Variants in TENM4 observed in about 807,000 individuals in gnomAD.
TENM4 encodes teneurin transmembrane protein 4, also known as teneurin-4.
TENM4 carries 82 observed loss-of-function variants against 243.3 expected under a neutral mutation model. That is an observed-to-expected ratio of 0.34 (90% CI 0.28 to 0.40). The LOEUF is 0.40. TENM4 is among the 10% of genes least tolerant of loss of function. TENM4 has a pLI of 1.00. For synonymous variants in TENM4, 1,412 were observed against 1,456.3 expected, an observed-to-expected ratio of 0.97 and a Z score of 0.69; for missense variants, 3,138 against 3,673.3, an observed-to-expected ratio of 0.85 and a Z score of 3.77.
intron 2 of TENM4, among the ~76,000 whole-genome samples, chr11:79,242,839 CT>C (rs1292253976): frequency 2.6e-5 from 4 of 152,334 alleles, no homozygotes; most frequent in Non-Finnish European, 4.4e-5. Context: ...GGCATGTAGA[CT>C]TTTTTGAGGC....
intron 28 of TENM4, among the ~76,000 whole-genome samples, chr11:78,689,251 A>C (rs1193650567): frequency 1.3e-5 from 2 of 152,188 alleles, no homozygotes; most frequent in Non-Finnish European, 1.5e-5. Context: ...TGTACCGTCC[A>C]TTTGCAAGTA....
intron 3 of TENM4, among the ~76,000 whole-genome samples, chr11:79,187,417 C>G (rs571737947): frequency 6.6e-6 from 1 of 152,282 alleles, no homozygotes; most frequent in South Asian, 2.1e-4. Context: ...TATCCTGGAC[C>G]CACTCAGCCA....
intron 1 of TENM4, among the ~76,000 whole-genome samples, chr11:79,349,819 T>C (rs1857385460): frequency 6.6e-6 from 1 of 152,176 alleles, no homozygotes; most frequent in African/African-American, 2.4e-5. Flanking sequence ...CCTCAATTTA[T>C]AGATACAGAA....
At chr11:79,203,482 T>G (rs577320485) in intron 3 of TENM4, among the ~76,000 whole-genome samples, 1 of 152,344 alleles carries the variant, frequency 6.6e-6, no homozygotes, top group Admixed American at 6.5e-5. Flanking sequence ...TGCCTGAAAT[T>G]AAGGATAGTA....
At chr11:79,007,045 T>C (rs1858503020) in intron 6 of TENM4, among the ~76,000 whole-genome samples, 1 of 152,194 alleles carries the variant, frequency 6.6e-6, no homozygotes, top group South Asian at 2.1e-4. Context: ...AGATGGCCTT[T>C]GGACTTGGAC....
intron 2 of TENM4, among the ~76,000 whole-genome samples, chr11:79,258,191 G>A (rs886329843): frequency 1.3e-5 from 2 of 152,130 alleles, no homozygotes; most frequent in Admixed American, 6.5e-5. Context: ...TATTAGTTAC[G>A]ATGATGAGAC....
At chr11:79,043,402 C>A (rs1859586875) in intron 6 of TENM4, among the ~76,000 whole-genome samples, 1 of 152,076 alleles carries the variant, frequency 6.6e-6, no homozygotes, top group African/African-American at 2.4e-5. Flanking sequence ...CTGTGAGAAG[C>A]AGCCAAAAAG....
chr11:78,694,755 T>G (rs1590944313), intron 28 of TENM4, among the ~76,000 whole-genome samples: 2 of 152,314 alleles, frequency 1.3e-5, no homozygotes, highest in South Asian at 4.1e-4. Context: ...CTGGCTCACT[T>G]CTGGTTAAGC....
At chr11:79,017,531 A>G (rs908230399) in intron 6 of TENM4, among the ~76,000 whole-genome samples, 1 of 152,110 alleles carries the variant, frequency 6.6e-6, no homozygotes, top group Non-Finnish European at 1.5e-5. Context: ...GAGGATACAC[A>G]AAAAAACAAA....
At chr11:79,194,271 T>C (rs1411437090) in intron 3 of TENM4, among the ~76,000 whole-genome samples, 2 of 151,720 alleles carry the variant, frequency 1.3e-5, no homozygotes, top group Non-Finnish European at 2.9e-5. Flanking sequence ...ATCAACAGCA[T>C]GAAAACGGAC....
chr11:78,801,048 G>A (rs546361242), intron 15 of TENM4, among the ~76,000 whole-genome samples: 16 of 152,238 alleles, frequency 1.1e-4, no homozygotes, highest in African/African-American at 3.9e-4. Context: ...GAAATGGATG[G>A]CTCTTTGTTA....
chr11:78,759,335 A>G (rs1856383134), intron 18 of TENM4, among the ~76,000 whole-genome samples: 3 of 152,248 alleles, frequency 2.0e-5, no homozygotes, highest in African/African-American at 4.8e-5. Context: ...GCATTCTGCT[A>G]TTGATGTTAG....
At chr11:79,244,439 ATGTGTGTG>A (rs10538527) in intron 2 of TENM4, among the ~76,000 whole-genome samples, 1 of 149,694 alleles carries the variant, frequency 6.7e-6, no homozygotes, top group African/African-American at 2.5e-5. Context: ...GTATGTGTCT[ATGTGTGTG>A]TGTGTGTGTG....
At chr11:79,409,196 T>C (rs565676523) in intron 1 of TENM4, among the ~76,000 whole-genome samples, 1 of 150,116 alleles carries the variant, frequency 6.7e-6, no homozygotes, top group East Asian at 2.0e-4. Context: ...GAGCTTCTCT[T>C]CCAGAAAAAA....
At chr11:78,673,164 G>A (rs968010393) in intron 30 of TENM4, among the ~76,000 whole-genome samples, 8 of 152,124 alleles carry the variant, frequency 5.3e-5, no homozygotes, top group Middle Eastern at 3.4e-3. Flanking sequence ...TCCTTTCAGA[G>A]TCAGAAAGAC....
At chr11:79,176,427 T>C (rs1032821518) in intron 3 of TENM4, among the ~76,000 whole-genome samples, 5 of 152,236 alleles carry the variant, frequency 3.3e-5, no homozygotes, top group Non-Finnish European at 7.3e-5. Context: ...TTCTATCTCC[T>C]GAACACTTAA....
intron 4 of TENM4, among the ~76,000 whole-genome samples, chr11:79,120,686 G>A (rs1409996959): frequency 6.6e-6 from 1 of 152,124 alleles, no homozygotes; most frequent in Non-Finnish European, 1.5e-5. Context: ...CAATAAAAGT[G>A]AAAAATATAA....
intron 1 of TENM4, among the ~76,000 whole-genome samples, chr11:79,413,778 A>C (rs370891325): frequency 6.6e-6 from 1 of 152,230 alleles, no homozygotes; most frequent in African/African-American, 2.4e-5. Flanking sequence ...TTTTCTTAGG[A>C]ATAAACATCA....
intron 3 of TENM4, among the ~76,000 whole-genome samples, chr11:79,190,936 C>CG (rs1382285878): frequency 2.3e-4 from 1 of 4,334 alleles, no homozygotes. Context: ...CTCCCTCTCC[C>CG]TCTCCCGTCT....
Sources: allele counts gnomAD v4.1 joint callset (sites outside exome capture counted in the v4.1 genomes callset), GRCh38; gene constraint gnomAD v4.1.1; transcripts MANE v1.5; gene names NCBI Gene and HGNC (gene_info 2026-07-23, HGNC 2026-07-21).